MTHFD1L: variants seen among roughly 807,000 people sequenced by gnomAD.
MTHFD1L encodes the protein monofunctional C1-tetrahydrofolate synthase, mitochondrial.
A neutral mutation model predicts 119.5 loss-of-function variants in MTHFD1L; 81 were observed. The ratio of observed to expected loss-of-function variants is 0.68; its 90% confidence interval spans 0.57 to 0.82. The LOEUF is 0.82. Among genes scored for constraint, MTHFD1L ranks in the 40% least tolerant of loss-of-function variants. The pLI, the probability that MTHFD1L is intolerant of heterozygous loss-of-function variation, is 0.00. For missense variants in MTHFD1L, 1,125 were observed against 1,253.4 expected (o/e 0.90, Z 1.55); for synonymous variants, 430 against 475.2 (o/e 0.90, Z 1.24).
At chr6:150,963,875 A>G (rs1279826836) in intron 18 of MTHFD1L, among the ~76,000 whole-genome samples, 1 of 152,200 alleles carries the variant, frequency 6.6e-6, no homozygotes, top group East Asian at 1.9e-4. Flanking sequence ...ATTGGGAAAA[A>G]AAGAAACAAA....
At chr6:150,970,203 G>C (rs1412655112) in intron 19 of MTHFD1L, among the ~76,000 whole-genome samples, 1 of 152,206 alleles carries the variant, frequency 6.6e-6, no homozygotes. Context: ...GAAGGTTTAA[G>C]AATATTGATT....
At chr6:151,004,556 G>A (rs936126975) in intron 20 of MTHFD1L, among the ~76,000 whole-genome samples, 8 of 152,156 alleles carry the variant, frequency 5.3e-5, no homozygotes, top group East Asian at 1.9e-4. Flanking sequence ...GGCCGCACCC[G>A]TGGATGATCA....
At position 150,926,146 on chromosome 6, in the gene MTHFD1L, A is replaced by C. The variant is rs367598413; in HGVS notation, c.1107A>C (p.Gln369His). ...GTGACATTGAGATTTCAAGAGGACA[A>C]ACTCCAAAAGCTGTGGATGTCCTTG... is the stretch of plus-strand genomic sequence containing the variant. ...VPSDIEISRG[Q>H]TPKAVDVLAK... The change falls in exon 11 of 28, where the codon CAA becomes CAC. Residue 369 changes from glutamine to histidine, a missense_variant. Physicochemically the swap from Gln to His is conservative, Grantham distance 24. Coordinates refer to ENST00000367321, the MANE Select transcript of MTHFD1L (RefSeq NM_015440.5). The surrounding 1 kb of genome is among the most constrained non-coding windows in gnomAD (Gnocchi z 4.3). The C allele has an allele frequency of 2.3e-5, 37 of 1,613,828 alleles. No individual in the cohort carries two copies. In the Middle Eastern group the frequency reaches 8.3e-4, roughly 36 times the overall value.
Position 151,044,935 on chromosome 6 carries a change from C to G in MTHFD1L, c.2847+7818C>G, listed in dbSNP as rs1187859167. On this transcript the variant is annotated intron_variant, in intron 26 of 27. Transcript: ENST00000367321. ...CCCGTGGACTCACTGCCATTCTGCTCTTTCTCACGTTTCAGTTCAGCTCGG... is the reference window on the plus strand; with the variant it reads ...CCCGTGGACTCACTGCCATTCTGCTGTTTCTCACGTTTCAGTTCAGCTCGG... Among the ~76,000 whole-genome samples the G allele has an allele frequency of 2.6e-5, 4 of 152,236 alleles. No homozygotes were observed. In the East Asian group the frequency reaches 7.7e-4, roughly 29 times the overall value.
At chr6:150,882,022 A>G (rs2128755862) in intron 4 of MTHFD1L, among the ~76,000 whole-genome samples, 1 of 152,332 alleles carries the variant, frequency 6.6e-6, no homozygotes, top group East Asian at 1.9e-4. Context: ...TATTTTTGTT[A>G]AGTGAGATGA....
intron 10 of MTHFD1L, among the ~76,000 whole-genome samples, chr6:150,925,713 G>A (rs545007353): frequency 6.6e-6 from 1 of 152,048 alleles, no homozygotes; most frequent in East Asian, 1.9e-4. Context: ...AGAGAAACAT[G>A]TGGCCAGCCC....
In MTHFD1L at chr6:150,922,094, GACTC is replaced by G. The variant is rs1789048204; in HGVS notation, c.985-110_985-107del. 1.9e-4 allele frequency: 143 copies of G among 760,960 alleles called. 2 individuals are homozygous for G. In the South Asian group the frequency reaches 2.5e-3, roughly 13 times the overall value. 47.1% of individuals were successfully genotyped at this position (760,960 alleles called of 1,614,324 possible). A position where few individuals can be genotyped will look rare whatever the true frequency, so the allele number is the denominator to read the frequency against. ...CTAATATCCTCCTGGCTTATTGTGC[GACTC>G]GATAATCTTGTTTTGTAACATCCAC... is the stretch of plus-strand genomic sequence containing the variant. On this transcript the variant is annotated intron_variant, in intron 9 of 27. Transcript: ENST00000367321.
At position 151,034,478 on chromosome 6, in the gene MTHFD1L, T is replaced by A. The variant is rs1785829096; in HGVS notation, c.2587-15T>A. ...TTAAACTTATACAATTTTGTTATAA[T>A]TTGTGTTTCTCCAGGTTCCAATTGT... On this transcript the variant is annotated splice_polypyrimidine_tract_variant and intron_variant, in intron 24 of 27. Transcript: ENST00000367321. 6.6e-7 allele frequency: 1 copy of A among 1,519,680 alleles called. No homozygotes were observed. Among genetic ancestry groups the A allele is most frequent in the South Asian group, 1.1e-5 (1 of 88,352 alleles). The allele number at this position is 1,519,680 out of a possible 1,614,324, so 94.1% of individuals were successfully genotyped here. A position where few individuals can be genotyped will look rare whatever the true frequency, so the allele number is the denominator to read the frequency against.
intron 18 of MTHFD1L, among the ~76,000 whole-genome samples, chr6:150,962,975 G>C (rs1796674389): frequency 1.4e-5 from 2 of 147,378 alleles, no homozygotes; most frequent in African/African-American, 5.1e-5. Flanking sequence ...GAATGCAATG[G>C]TGCAATCTAA....
intron 7 of MTHFD1L, 34 bp downstream of exon 7, chr6:150,888,015 G>A: frequency 6.4e-7 from 1 of 1,570,302 alleles, no homozygotes; most frequent in South Asian, 1.2e-5. Context: ...CATCTTGAAG[G>A]CTTCTGTTAG....
intron 20 of MTHFD1L, among the ~76,000 whole-genome samples, chr6:150,978,894 T>C (rs1015070863): frequency 3.9e-5 from 6 of 152,144 alleles, no homozygotes; most frequent in Non-Finnish European, 7.3e-5. Flanking sequence ...GCGGCTATTG[T>C]GCTCAGTGTT....
intron 8 of MTHFD1L, among the ~76,000 whole-genome samples, chr6:150,906,511 C>A (rs1785935403): frequency 6.6e-6 from 1 of 152,202 alleles, no homozygotes; most frequent in Admixed American, 6.5e-5. Flanking sequence ...TCAGCAAGTC[C>A]CTGAGTAGCA....
At chr6:151,077,397 C>G (rs544595894) in intron 26 of MTHFD1L, among the ~76,000 whole-genome samples, 1 of 152,320 alleles carries the variant, frequency 6.6e-6, no homozygotes, top group East Asian at 1.9e-4. Context: ...AATCCCAGCA[C>G]TTTGGGAGGC....
intron 25 of MTHFD1L, among the ~76,000 whole-genome samples, chr6:151,035,315 C>T (rs1399008013): frequency 1.3e-5 from 2 of 152,218 alleles, no homozygotes; most frequent in South Asian, 4.2e-4. Flanking sequence ...TTGGTGTAGT[C>T]GGATAGATAG....
chr6:150,867,741 A>C (rs1007673980), intron 1 of MTHFD1L, among the ~76,000 whole-genome samples: 2 of 151,970 alleles, frequency 1.3e-5, no homozygotes, highest in Non-Finnish European at 2.9e-5. Context: ...AAATGGTTAC[A>C]GAAGGAATGC....
At chr6:151,025,355 C>T (rs956993269) in intron 24 of MTHFD1L, among the ~76,000 whole-genome samples, 4 of 152,220 alleles carry the variant, frequency 2.6e-5, no homozygotes. Context: ...GTAACAAGGG[C>T]AGAGCCGCTC....
At chr6:150,898,330 G>A (rs1784574727) in intron 7 of MTHFD1L, among the ~76,000 whole-genome samples, 1 of 152,158 alleles carries the variant, frequency 6.6e-6, no homozygotes, top group Admixed American at 6.5e-5. Context: ...AAGGAGCAGT[G>A]TCTGGACTTG....
intron 26 of MTHFD1L, among the ~76,000 whole-genome samples, chr6:151,080,020 C>CA (rs146396093): frequency 2.0e-5 from 3 of 150,918 alleles, no homozygotes; most frequent in Admixed American, 6.6e-5. Context: ...ACTTAAAATA[C>CA]AAAAAAAATA....
At chr6:150,966,472 G>A (rs777483997) in intron 19 of MTHFD1L, among the ~76,000 whole-genome samples, 13 of 152,142 alleles carry the variant, frequency 8.5e-5, no homozygotes, top group Non-Finnish European at 1.5e-4. Context: ...GTTATAATTC[G>A]ACATGAGATG....
Sources: allele counts gnomAD v4.1 joint callset (sites outside exome capture counted in the v4.1 genomes callset), GRCh38; gene constraint gnomAD v4.1.1; non-coding constraint Gnocchi (gnomAD v3.1); transcripts MANE v1.5; gene names NCBI Gene and HGNC (gene_info 2026-07-23, HGNC 2026-07-21).